FOXN3: variants seen among roughly 807,000 people sequenced by gnomAD.
FOXN3 encodes forkhead box protein N3.
A neutral mutation model predicts 38.4 loss-of-function variants in FOXN3; 7 were observed. That is an observed-to-expected ratio of 0.18 (90% CI 0.10 to 0.34). The LOEUF is 0.34. Ranked by LOEUF, FOXN3 falls within the 10% of genes least tolerant of loss-of-function variation. The pLI is 1.00. For missense variants in FOXN3, 456 were observed against 613.4 expected (o/e 0.74, Z 2.71); for synonymous variants, 230 against 242.2 (o/e 0.95, Z 0.47).
At chr14:89,612,559 G>A (rs1314074022) in intron 1 of FOXN3, among the ~76,000 whole-genome samples, 1 of 152,158 alleles carries the variant, frequency 6.6e-6, no homozygotes, top group East Asian at 1.9e-4. Context: ...ACTTTGGGAG[G>A]CTGAGGTAGG....
intron 4 of FOXN3, among the ~76,000 whole-genome samples, chr14:89,273,643 G>C (rs757251141): frequency 6.6e-6 from 1 of 152,218 alleles, no homozygotes; most frequent in Non-Finnish European, 1.5e-5. Flanking sequence ...TATTTTTAAA[G>C]TAACTTAAGA....
chr14:89,261,745 C>T (rs1469285441), intron 4 of FOXN3, among the ~76,000 whole-genome samples: 1 of 151,880 alleles, frequency 6.6e-6, no homozygotes, highest in African/African-American at 2.4e-5. Context: ...CTGGCTAACA[C>T]GATGAAACCC....
intron 3 of FOXN3, among the ~76,000 whole-genome samples, chr14:89,303,860 C>T (rs962349634): frequency 1.3e-5 from 2 of 152,170 alleles, no homozygotes; most frequent in Admixed American, 1.3e-4. Flanking sequence ...AACTTGGAGC[C>T]CAGGCAACCA....
intron 1 of FOXN3, among the ~76,000 whole-genome samples, chr14:89,527,478 T>C (rs914634974): frequency 1.3e-5 from 2 of 152,186 alleles, no homozygotes. Context: ...TATCACACAT[T>C]TGATGAAGAA....
rs530463007 is a variant in FOXN3, at chr14:89,161,600, T to TGTGTGTGTGTGTGTGTGTGTGC, written c.*813_*814insGCACACACACACACACACACAC. The TGTGTGTGTGTGTGTGTGTGTGC allele has an allele frequency of 6.8e-6, 1 of 147,410 alleles. No homozygotes were observed. The highest frequency in any genetic ancestry group is 1.5e-5 in the Non-Finnish European group (1 of 66,806). The allele number at this position is 147,410 out of a possible 1,614,324, so 9.1% of individuals were successfully genotyped here. ...GTGTGTGTGTGTGTGTGTGTGTGCG[T>TGTGTGTGTGTGTGTGTGTGTGC]GCGTGCACAGGGCCAATCTTCAGGC... On this transcript the variant is annotated 3_prime_UTR_variant, in exon 6 of 6. Transcript: ENST00000557258.
At chr14:89,220,144 A>C (rs1349137811) in intron 4 of FOXN3, among the ~76,000 whole-genome samples, 1 of 152,150 alleles carries the variant, frequency 6.6e-6, no homozygotes, top group African/African-American at 2.4e-5. Flanking sequence ...GAGGCCCAGC[A>C]GATCTCCCAG....
Position 89,497,916 on chromosome 14 carries a change from T to C in FOXN3, c.-14-85426A>G, listed in dbSNP as rs528482108. 7.2e-5 allele frequency among the ~76,000 whole-genome samples: 9 copies of C among 124,810 alleles called. No homozygotes were observed. In the East Asian group the frequency reaches 8.4e-4, roughly 12 times the overall value. 81.9% of individuals were successfully genotyped at this position (124,810 alleles called of 152,430 possible). On this transcript the variant is annotated intron_variant, in intron 1 of 6. Transcript: ENST00000345097. Reference sequence around the variant, plus strand: ...ACCACACTTGTTATTTCCTGTTTGTTTGTTTGGTTTTTTTTTGAAATGTTA... The same window carrying C: ...ACCACACTTGTTATTTCCTGTTTGTCTGTTTGGTTTTTTTTTGAAATGTTA...
At chr14:89,566,956 A>T (rs1895367306) in intron 1 of FOXN3, among the ~76,000 whole-genome samples, 1 of 151,806 alleles carries the variant, frequency 6.6e-6, no homozygotes, top group Non-Finnish European at 1.5e-5. Context: ...GGTGGGAATA[A>T]GAGAGTGGGG....
intron 1 of FOXN3, among the ~76,000 whole-genome samples, chr14:89,424,506 T>C (rs1891982501): frequency 6.6e-6 from 1 of 152,154 alleles, no homozygotes; most frequent in South Asian, 2.1e-4. Flanking sequence ...GGTTTATAGG[T>C]TTTGAATATC....
chr14:89,411,147 G>A (rs774692291), intron 2 of FOXN3, among the ~76,000 whole-genome samples: 7 of 152,148 alleles, frequency 4.6e-5, no homozygotes, highest in Admixed American at 6.5e-5. Context: ...TGTATGCAAC[G>A]GATCTAGGTT....
intron 1 of FOXN3, among the ~76,000 whole-genome samples, chr14:89,460,673 C>T (rs535991415): frequency 1.7e-4 from 26 of 151,424 alleles, no homozygotes; most frequent in Admixed American, 9.2e-4. Flanking sequence ...ATCAATTATT[C>T]TACAAGTTCC....
chr14:89,601,968 C>T (rs1029636436), intron 1 of FOXN3, among the ~76,000 whole-genome samples: 4 of 152,198 alleles, frequency 2.6e-5, no homozygotes, highest in Non-Finnish European at 4.4e-5. Flanking sequence ...ATAACTGAGA[C>T]AGACTAATCT....
chr14:89,173,213 C>T (rs1266863584), intron 5 of FOXN3, among the ~76,000 whole-genome samples: 1 of 152,136 alleles, frequency 6.6e-6, no homozygotes, highest in African/African-American at 2.4e-5. Context: ...AAAAACTGTG[C>T]AACATCTTTA....
At chr14:89,543,043 GA>G (rs1393655965) in intron 1 of FOXN3, among the ~76,000 whole-genome samples, 1 of 90,268 alleles carries the variant, frequency 1.1e-5, no homozygotes, top group Non-Finnish European at 2.6e-5. Flanking sequence ...AAGGAGAAAA[GA>G]CACTCTTTGA....
At chr14:89,229,188 G>A (rs1267554446) in intron 4 of FOXN3, among the ~76,000 whole-genome samples, 1 of 152,148 alleles carries the variant, frequency 6.6e-6, no homozygotes, top group East Asian at 1.9e-4. Flanking sequence ...AGGTCTGAGT[G>A]GTAGCTGCAG....
intron 1 of FOXN3, among the ~76,000 whole-genome samples, chr14:89,613,921 T>C (rs1005608017): frequency 2.0e-5 from 3 of 152,172 alleles, no homozygotes; most frequent in Admixed American, 6.5e-5. Flanking sequence ...GTGAATCTAG[T>C]GATTGTGAAA....
At chr14:89,477,828 A>T (rs1412819787) in intron 1 of FOXN3, among the ~76,000 whole-genome samples, 1 of 152,114 alleles carries the variant, frequency 6.6e-6, no homozygotes, top group African/African-American at 2.4e-5. Flanking sequence ...CATTGAGTCA[A>T]TTTTTTATGG....
intron 2 of FOXN3, among the ~76,000 whole-genome samples, chr14:89,384,033 T>C (rs946957067): frequency 1.7e-4 from 26 of 152,142 alleles, no homozygotes; most frequent in Non-Finnish European, 2.9e-5. Flanking sequence ...GGGGGGGACA[T>C]TTCAGCCCAC....
intron 1 of FOXN3, among the ~76,000 whole-genome samples, chr14:89,615,417 A>G (rs1399349937): frequency 1.3e-5 from 2 of 152,216 alleles, no homozygotes. Context: ...AATAAGTTGC[A>G]CATGGTTGTA....
Sources: allele counts gnomAD v4.1 joint callset (sites outside exome capture counted in the v4.1 genomes callset), GRCh38; gene constraint gnomAD v4.1.1; transcripts MANE v1.5; gene names NCBI Gene and HGNC (gene_info 2026-07-23, HGNC 2026-07-21).